Variants in ARHGAP26 observed in about 807,000 individuals in gnomAD.
The protein encoded by ARHGAP26 is rho GTPase-activating protein 26.
Under a neutral mutation model 104.8 loss-of-function variants are expected in ARHGAP26, and 38 were observed. The observed-to-expected ratio is 0.36, with a 90% CI of 0.28 to 0.48. ARHGAP26 has a LOEUF of 0.48. Among genes scored for constraint, ARHGAP26 ranks in the 20% least tolerant of loss-of-function variants. The pLI, the probability that ARHGAP26 is intolerant of heterozygous loss-of-function variation, is 0.99. For missense variants in ARHGAP26, 704 were observed against 947.9 expected, an observed-to-expected ratio of 0.74 and a Z score of 3.38; for synonymous variants, 341 against 340.0, an observed-to-expected ratio of 1.00 and a Z score of -0.03.
At chr5:142,795,052 T>C (rs1377642628) in intron 1 of ARHGAP26, among the ~76,000 whole-genome samples, 1 of 152,166 alleles carries the variant, frequency 6.6e-6, no homozygotes, top group African/African-American at 2.4e-5. Flanking sequence ...CTTCTTCTTT[T>C]TTTTTAAAAA....
chr5:142,805,106 C>CTTT (rs532679996), intron 1 of ARHGAP26, among the ~76,000 whole-genome samples: 1 of 139,246 alleles, frequency 7.2e-6, no homozygotes, highest in Non-Finnish European at 1.6e-5. Context: ...CCTTTCTTTT[C>CTTT]TTTTTTTTTT....
intron 11 of ARHGAP26, among the ~76,000 whole-genome samples, chr5:142,982,680 G>C (rs149521420): frequency 2.0e-5 from 3 of 152,180 alleles, no homozygotes; most frequent in African/African-American, 7.2e-5. Context: ...CTTTCTTCTT[G>C]AGAGGTTTTG....
chr5:142,861,895 C>G (rs1753419011), intron 1 of ARHGAP26, among the ~76,000 whole-genome samples: 1 of 152,082 alleles, frequency 6.6e-6, no homozygotes, highest in African/African-American at 2.4e-5. Context: ...ATGAAGGCCT[C>G]GATTTACCCA....
intron 18 of ARHGAP26, among the ~76,000 whole-genome samples, chr5:143,125,604 C>T (rs986840095): frequency 3.3e-5 from 5 of 152,150 alleles, no homozygotes; most frequent in Non-Finnish European, 7.3e-5. Context: ...AGGAAAACAG[C>T]TAGGAGATAT....
chr5:142,890,144 AAAAAAAAATATATATATATATAT>A (rs1758323583), intron 5 of ARHGAP26, among the ~76,000 whole-genome samples: 1 of 89,214 alleles, frequency 1.1e-5, no homozygotes, highest in African/African-American at 4.8e-5. Flanking sequence ...CTTAAAAAAA[AAAAAAAAATATATATATATATAT>A]ATATATATAT....
intron 1 of ARHGAP26, among the ~76,000 whole-genome samples, chr5:142,850,364 T>C (rs1274082252): frequency 1.3e-5 from 2 of 152,194 alleles, no homozygotes; most frequent in African/African-American, 4.8e-5. Context: ...TGAATTCTTA[T>C]TACAGATGCT....
At chr5:142,965,896 G>C (rs1207413622) in intron 11 of ARHGAP26, among the ~76,000 whole-genome samples, 4 of 152,188 alleles carry the variant, frequency 2.6e-5, no homozygotes, top group Non-Finnish European at 5.9e-5. Flanking sequence ...AAGTCATCCA[G>C]TGTAAATAGT....
In ARHGAP26 at chr5:143,083,605, GCT is replaced by G. The variant is rs538950850; in HGVS notation, c.1538+25860_1538+25861del. On this transcript the variant is annotated intron_variant, in intron 17 of 22. Coordinates refer to ENST00000645722, the MANE Select transcript of ARHGAP26 (RefSeq NM_001135608.3). Reference sequence around the variant, plus strand: ...TCTCCGCCTCCTGGGTTCAAGCGATGCTCCTGCCTCAGCCTTCCAAGTAGCTG... The same window carrying G: ...TCTCCGCCTCCTGGGTTCAAGCGATGCCTGCCTCAGCCTTCCAAGTAGCTG... Among the ~76,000 whole-genome samples, 4 of 152,116 alleles carry G rather than the reference GCT, an allele frequency of 2.6e-5. No individual in the cohort carries two copies. The South Asian group carries it at 8.3e-4, about 32-fold the overall frequency.
At chr5:143,122,507 C>CA (rs1248474210) in intron 18 of ARHGAP26, among the ~76,000 whole-genome samples, 2 of 152,182 alleles carry the variant, frequency 1.3e-5, no homozygotes, top group Non-Finnish European at 2.9e-5. Context: ...TATCAAAAGA[C>CA]AAAATCACAA....
intron 11 of ARHGAP26, among the ~76,000 whole-genome samples, chr5:142,942,007 T>TC (rs919479333): frequency 2.6e-5 from 4 of 152,264 alleles, no homozygotes; most frequent in South Asian, 4.1e-4. Context: ...AACAGAAATT[T>TC]CTTTTTTTTT....
chr5:142,816,473 C>G (rs371922101), intron 1 of ARHGAP26, among the ~76,000 whole-genome samples: 9 of 152,192 alleles, frequency 5.9e-5, no homozygotes, highest in African/African-American at 9.7e-5. Flanking sequence ...CCACAATTCA[C>G]AGGAGGATAG....
chr5:143,008,780 A>T (rs1191963947), intron 11 of ARHGAP26, among the ~76,000 whole-genome samples: 1 of 152,180 alleles, frequency 6.6e-6, no homozygotes, highest in Admixed American at 6.5e-5. Flanking sequence ...CATTTGAAAA[A>T]CAAGCCTCTC....
intron 1 of ARHGAP26, among the ~76,000 whole-genome samples, chr5:142,796,220 G>C (rs1039984780): frequency 6.6e-6 from 1 of 151,992 alleles, no homozygotes; most frequent in African/African-American, 2.4e-5. Context: ...ATGAATGAAT[G>C]CTTTGATTCT....
intron 1 of ARHGAP26, among the ~76,000 whole-genome samples, chr5:142,858,630 G>T (rs543457389): frequency 1.3e-5 from 2 of 152,266 alleles, no homozygotes; most frequent in East Asian, 1.9e-4. Flanking sequence ...GGCTTCTGGC[G>T]TGCTAGAATT....
At chr5:142,830,916 A>G (rs1256152636) in intron 1 of ARHGAP26, among the ~76,000 whole-genome samples, 1 of 152,170 alleles carries the variant, frequency 6.6e-6, no homozygotes, top group East Asian at 1.9e-4. Context: ...AATATGTATG[A>G]GAGGTATGTT....
chr5:142,951,630 C>T (rs1768399490), intron 11 of ARHGAP26, among the ~76,000 whole-genome samples: 1 of 152,144 alleles, frequency 6.6e-6, no homozygotes, highest in African/African-American at 2.4e-5. Context: ...TTTAAGGGTC[C>T]TTCCAGCTCT....
intron 1 of ARHGAP26, among the ~76,000 whole-genome samples, chr5:142,863,340 C>T (rs1199105979): frequency 1.3e-5 from 2 of 152,162 alleles, no homozygotes; most frequent in Admixed American, 6.5e-5. Context: ...AACTCCTGAC[C>T]TCGTGATCCG....
intron 9 of ARHGAP26, among the ~76,000 whole-genome samples, chr5:142,912,285 G>A (rs555998399): frequency 7.2e-5 from 11 of 152,290 alleles, no homozygotes; most frequent in Admixed American, 2.0e-4. Flanking sequence ...AAGCAATTAC[G>A]TTAAGTGAAA....
intron 1 of ARHGAP26, among the ~76,000 whole-genome samples, chr5:142,810,867 A>G (rs534733848): frequency 6.6e-6 from 1 of 152,228 alleles, no homozygotes; most frequent in Admixed American, 6.5e-5. Flanking sequence ...TTTGTGTCCT[A>G]CATAAAGCGA....
Sources: gnomAD v4.1 joint callset for allele counts (sites outside exome capture counted in the v4.1 genomes callset) on GRCh38, gnomAD v4.1.1 for gene constraint, MANE v1.5 for transcripts, NCBI Gene and HGNC (gene_info 2026-07-23, HGNC 2026-07-21) for gene names.